VPS53: variants seen among roughly 807,000 people sequenced by gnomAD.
VPS53 encodes VPS53 subunit of GARP complex.
Under a neutral mutation model 107.0 loss-of-function variants are expected in VPS53, and 70 were observed. The observed-to-expected ratio is 0.65, with a 90% CI of 0.54 to 0.80. The LOEUF is 0.80. Among genes scored for constraint, VPS53 ranks in the 30% least tolerant of loss-of-function variants. VPS53 has a pLI of 0.00. For synonymous variants in VPS53, 409 were observed against 393.3 expected (o/e 1.04, Z -0.47); for missense variants, 917 against 1,049.4 (o/e 0.87, Z 1.74).
chr17:527,777 A>G (rs1468538003), intron 19 of VPS53, among the ~76,000 whole-genome samples: 1 of 152,000 alleles, frequency 6.6e-6, no homozygotes, highest in Admixed American at 6.6e-5. Flanking sequence ...CACTTGGCTA[A>G]TTTTTAAATT....
At chr17:661,707 C>G (rs1206411493) in intron 5 of VPS53, 102 bp downstream of exon 5, 1 of 1,109,096 alleles carries the variant, frequency 9.0e-7, no homozygotes, top group African/African-American at 1.6e-5. Context: ...CTCTGGTTGG[C>G]AGGAGGTGCC....
intron 13 of VPS53, among the ~76,000 whole-genome samples, chr17:564,805 C>T (rs1913340762): frequency 6.6e-6 from 1 of 152,128 alleles, no homozygotes; most frequent in Non-Finnish European, 1.5e-5. Context: ...CAATTTTTCT[C>T]CGATTTCCCA....
Position 509,448 on chromosome 17 carries a change from C to G in VPS53, c.*9680G>C, listed in dbSNP as rs189027866. The G allele has an allele frequency of 1.0e-5, 1 of 99,178 alleles. No homozygotes were observed. The highest frequency in any genetic ancestry group is 2.3e-5 in the Non-Finnish European group (1 of 43,696). 6.1% of individuals were successfully genotyped at this position (99,178 alleles called of 1,614,324 possible). A position where few individuals can be genotyped will look rare whatever the true frequency, so the allele number is the denominator to read the frequency against. On this transcript the variant is annotated 3_prime_UTR_variant, in exon 22 of 22. Coordinates refer to ENST00000437048, the MANE Select transcript of VPS53 (RefSeq NM_001128159.3). Reference sequence around the variant, plus strand: ...ATCCTGGCTGACCCCTTACTAGTCACGTATCGAATCCTGGCTGACCCCCTG... The same window carrying G: ...ATCCTGGCTGACCCCTTACTAGTCAGGTATCGAATCCTGGCTGACCCCCTG...
At chr17:545,382 C>G (rs963175780) in intron 17 of VPS53, among the ~76,000 whole-genome samples, 1 of 152,210 alleles carries the variant, frequency 6.6e-6, no homozygotes, top group African/African-American at 2.4e-5. Context: ...CAGGATGCCA[C>G]CTGCTGAAGT....
At chr17:561,423 C>G (rs1912966474) in intron 14 of VPS53, among the ~76,000 whole-genome samples, 1 of 152,164 alleles carries the variant, frequency 6.6e-6, no homozygotes, top group African/African-American at 2.4e-5. Context: ...TGCTGAGATG[C>G]TGACTAATAC....
chr17:601,859 A>C lies in VPS53; in HGVS notation c.1154T>G (p.Phe385Cys). 1 of 1,601,566 alleles carries C rather than the reference A, an allele frequency of 6.2e-7. No individual in the cohort carries two copies. Among genetic ancestry groups the C allele is most frequent in the South Asian group, 1.1e-5 (1 of 89,182 alleles). The change falls in exon 12 of 22, where the codon TTC becomes TGC. Residue 385 changes from phenylalanine (F) to cysteine (C), a missense_variant. Phe to Cys is a radical substitution (Grantham distance 205). Coordinates refer to ENST00000437048, the MANE Select transcript of VPS53 (RefSeq NM_001128159.3). ...CTCTGGTGTTGGCTCATCTTCCAGG[A>C]AGGGATTGGTAGATGGGGGTGGAGA... The part of the protein sequence containing the change: ...LESPPPSTNP[F>C]LEDEPTPEME...
intron 12 of VPS53, among the ~76,000 whole-genome samples, chr17:596,334 T>C (rs1344181209): frequency 1.3e-5 from 2 of 152,168 alleles, no homozygotes; most frequent in African/African-American, 4.8e-5. Context: ...AGAAAATGGC[T>C]ACATAATTCC....
At chr17:567,815 G>C (rs967791859) in intron 13 of VPS53, among the ~76,000 whole-genome samples, 3 of 151,768 alleles carry the variant, frequency 2.0e-5, no homozygotes, top group Non-Finnish European at 4.4e-5. Flanking sequence ...TTTGAGCCCA[G>C]GAGTTTGAGG....
chr17:610,200 CAT>C (rs1968797454), intron 11 of VPS53, among the ~76,000 whole-genome samples: 1 of 150,248 alleles, frequency 6.7e-6, no homozygotes, highest in Non-Finnish European at 1.5e-5. Context: ...CAAAAATATT[CAT>C]ATAGCCCTAT....
At chr17:602,039 T>A in intron 11 of VPS53, 143 bp from the exon 12 acceptor site, 1 of 499,832 alleles carries the variant, frequency 2.0e-6, no homozygotes, top group Non-Finnish European at 3.3e-6. Context: ...CCAGACCACA[T>A]TCTTGCCTCC....
chr17:625,073 C>A (rs1191935047), intron 10 of VPS53, among the ~76,000 whole-genome samples: 1 of 151,128 alleles, frequency 6.6e-6, no homozygotes, highest in East Asian at 1.9e-4. Context: ...CCTACTGCAA[C>A]CTTGACCTGG....
intron 19 of VPS53, among the ~76,000 whole-genome samples, chr17:526,599 T>C (rs1165839089): frequency 3.3e-5 from 5 of 152,034 alleles, no homozygotes; most frequent in Admixed American, 3.3e-4. Flanking sequence ...AACTTTGAAA[T>C]AGTTGATAAT....
At chr17:672,111 C>CAG (rs1971975336) in intron 4 of VPS53, among the ~76,000 whole-genome samples, 1 of 97,498 alleles carries the variant, frequency 1.0e-5, no homozygotes, top group African/African-American at 4.0e-5. Flanking sequence ...ATGAGGGTGA[C>CAG]ACACACACAC....
intron 19 of VPS53, among the ~76,000 whole-genome samples, chr17:531,233 T>G (rs1430269018): frequency 6.6e-6 from 1 of 152,184 alleles, no homozygotes; most frequent in Non-Finnish European, 1.5e-5. Context: ...CACGTTGCCC[T>G]GTAGTTCCCA....
At chr17:650,746 AG>A (rs1314754311) in intron 7 of VPS53, among the ~76,000 whole-genome samples, 4 of 152,228 alleles carry the variant, frequency 2.6e-5, no homozygotes, top group African/African-American at 4.8e-5. Context: ...TCTGTCCCAG[AG>A]AAATACTTGC....
chr17:577,943 A>G (rs1914780203), intron 13 of VPS53, among the ~76,000 whole-genome samples: 1 of 152,072 alleles, frequency 6.6e-6, no homozygotes, highest in Admixed American at 6.6e-5. Flanking sequence ...TCAGGACCTA[A>G]TGCGTTCCCA....
At chr17:557,233 T>C (rs780904994) in intron 15 of VPS53, among the ~76,000 whole-genome samples, 8 of 152,208 alleles carry the variant, frequency 5.3e-5, no homozygotes, top group Non-Finnish European at 7.3e-5. Flanking sequence ...TGATGTTCCT[T>C]GGCTCATAGA....
intron 2 of VPS53, among the ~76,000 whole-genome samples, chr17:709,084 A>C (rs1030689024): frequency 2.0e-5 from 3 of 152,146 alleles, no homozygotes; most frequent in Non-Finnish European, 4.4e-5. Flanking sequence ...GTCTCAGCTT[A>C]GAGGGAACCA....
intron 15 of VPS53, among the ~76,000 whole-genome samples, 178 bp from the exon 16 acceptor site, chr17:553,640 G>A (rs926917648): frequency 3.4e-5 from 5 of 149,106 alleles, no homozygotes; most frequent in Non-Finnish European, 7.4e-5. Context: ...GTGCGACCTC[G>A]GCTCACTGCA....
Sources: allele counts gnomAD v4.1 joint callset (sites outside exome capture counted in the v4.1 genomes callset), GRCh38; gene constraint gnomAD v4.1.1; transcripts MANE v1.5; gene names NCBI Gene and HGNC (gene_info 2026-07-23, HGNC 2026-07-21).